LSAMP: variants seen among roughly 807,000 people sequenced by gnomAD.
LSAMP encodes the protein limbic system-associated membrane protein.
A neutral mutation model predicts 38.6 loss-of-function variants in LSAMP; 7 were observed. The observed-to-expected ratio is 0.18, with a 90% CI of 0.10 to 0.34. The LOEUF (loss-of-function observed/expected upper bound fraction) is 0.34, where lower values mean the gene tolerates loss of function less well. LSAMP is among the 10% of genes least tolerant of loss of function. The pLI is 1.00. For missense variants in LSAMP, 313 were observed against 420.0 expected (o/e 0.75, Z 2.23); for synonymous variants, 154 against 166.8 (o/e 0.92, Z 0.59).
chr3:115,892,382 T>C (rs1411234748), intron 3 of LSAMP, among the ~76,000 whole-genome samples: 1 of 151,980 alleles, frequency 6.6e-6, no homozygotes, highest in East Asian at 1.9e-4. Context: ...ACTCTAAACA[T>C]TGTGGTATAT....
chr3:115,965,483 AG>A (rs1209589131), intron 3 of LSAMP, among the ~76,000 whole-genome samples: 3 of 151,938 alleles, frequency 2.0e-5, no homozygotes, highest in African/African-American at 7.2e-5. Flanking sequence ...AGATACAAAA[AG>A]TTTAAGTCAT....
chr3:116,174,403 C>T (rs991346547), intron 1 of LSAMP, among the ~76,000 whole-genome samples: 3 of 151,980 alleles, frequency 2.0e-5, no homozygotes, highest in South Asian at 4.2e-4. Flanking sequence ...CACATTAAGA[C>T]TATTATTCTC....
chr3:115,856,019 A>G (rs915564922), intron 3 of LSAMP, among the ~76,000 whole-genome samples: 3 of 152,188 alleles, frequency 2.0e-5, no homozygotes, highest in Non-Finnish European at 4.4e-5. Context: ...TTACCAATTC[A>G]CAGAAATTTA....
chr3:116,334,285 T>A (rs978928351), intron 1 of LSAMP, among the ~76,000 whole-genome samples: 1 of 152,100 alleles, frequency 6.6e-6, no homozygotes, highest in Non-Finnish European at 1.5e-5. Context: ...CCCTGAAACT[T>A]ATGTCTTTAT....
intron 3 of LSAMP, among the ~76,000 whole-genome samples, chr3:115,882,654 A>G (rs967335950): frequency 5.3e-5 from 8 of 152,004 alleles, no homozygotes; most frequent in African/African-American, 1.7e-4. Context: ...TAATCACTAA[A>G]CTCATCTGTT....
chr3:116,116,703 G>A (rs1263569338), intron 1 of LSAMP, among the ~76,000 whole-genome samples: 3 of 151,532 alleles, frequency 2.0e-5, no homozygotes, highest in South Asian at 2.1e-4. Context: ...GCAACAGAGC[G>A]AGATTCCATC....
intron 1 of LSAMP, among the ~76,000 whole-genome samples, chr3:116,131,536 C>CAGA (rs145946653): frequency 0.021 from 3,165 of 152,232 alleles, 105 homozygotes; most frequent in African/African-American, 0.07. Context: ...AGGCCTGGAG[C>CAGA]TTCTGCATGG....
intron 1 of LSAMP, among the ~76,000 whole-genome samples, chr3:116,421,307 T>C (rs1387236622): frequency 1.3e-5 from 2 of 152,108 alleles, no homozygotes; most frequent in Non-Finnish European, 2.9e-5. Context: ...TGGTAGCTCA[T>C]GCCTGTAATC....
intron 3 of LSAMP, among the ~76,000 whole-genome samples, chr3:116,006,436 G>T (rs6795318): frequency 0.47 from 71,142 of 152,000 alleles, 18,141 homozygotes; most frequent in African/African-American, 0.69. Context: ...TATGGTATTT[G>T]ATTATAGCCC....
chr3:115,929,717 A>G (rs962321949), intron 3 of LSAMP, among the ~76,000 whole-genome samples: 4 of 152,126 alleles, frequency 2.6e-5, no homozygotes, highest in African/African-American at 9.7e-5. Flanking sequence ...AAGAAAAACA[A>G]TGTAATGAAG....
At chr3:116,193,756 A>G (rs567115608) in intron 1 of LSAMP, among the ~76,000 whole-genome samples, 7 of 152,254 alleles carry the variant, frequency 4.6e-5, no homozygotes, top group South Asian at 2.1e-4. Flanking sequence ...CCACCCTTCC[A>G]CCCATACTAT....
At chr3:116,242,601 C>A (rs1222111461) in intron 1 of LSAMP, among the ~76,000 whole-genome samples, 1 of 151,900 alleles carries the variant, frequency 6.6e-6, no homozygotes, top group Non-Finnish European at 1.5e-5. Flanking sequence ...TCTCTGCCAC[C>A]CCTTAATCAT....
intron 2 of LSAMP, among the ~76,000 whole-genome samples, chr3:116,065,335 C>T (rs1465953272): frequency 1.3e-5 from 2 of 152,192 alleles, no homozygotes; most frequent in Non-Finnish European, 2.9e-5. Flanking sequence ...TTTCATCAGA[C>T]AGTAATGCCT....
At chr3:116,159,495 T>TA (rs1030107551) in intron 1 of LSAMP, among the ~76,000 whole-genome samples, 5 of 151,968 alleles carry the variant, frequency 3.3e-5, no homozygotes, top group African/African-American at 1.2e-4. Flanking sequence ...ATAGGCATAT[T>TA]AAAAAAAGCT....
chr3:116,125,207 A>G (rs970907318), intron 1 of LSAMP, among the ~76,000 whole-genome samples: 2 of 152,182 alleles, frequency 1.3e-5, no homozygotes, highest in African/African-American at 2.4e-5. Flanking sequence ...AAATGTCAAC[A>G]TATAATGAAG....
intron 1 of LSAMP, among the ~76,000 whole-genome samples, chr3:116,341,584 T>C (rs542077836): frequency 2.0e-5 from 3 of 152,106 alleles, no homozygotes; most frequent in South Asian, 2.1e-4. Context: ...AGTAATTCAA[T>C]GGACAGGAGA....
At chr3:116,265,515 G>C (rs1189588506) in intron 1 of LSAMP, among the ~76,000 whole-genome samples, 1 of 152,194 alleles carries the variant, frequency 6.6e-6, no homozygotes, top group African/African-American at 2.4e-5. Flanking sequence ...CATGACTTCA[G>C]TTTATATGTC....
rs528068600 is a variant in LSAMP, at chr3:116,112,969, A to ATT, written c.156-26415_156-26414dup. ...TCAAGCTTTTGGAATTCCAGTACTC[A>ATT]TTTTTTTTTTTTTAGTAGATTCAGG... On this transcript the variant is annotated intron_variant, in intron 1 of 6. Coordinates refer to ENST00000490035, the MANE Select transcript of LSAMP (RefSeq NM_002338.5). Among the ~76,000 whole-genome samples the ATT allele has an allele frequency of 3.3e-3, 480 of 145,658 alleles. 3 individuals are homozygous for ATT. Among genetic ancestry groups the ATT allele is most frequent in the African/African-American group, 0.011 (451 of 40,244 alleles).
intron 2 of LSAMP, among the ~76,000 whole-genome samples, chr3:116,081,527 T>C (rs1707873036): frequency 6.6e-6 from 1 of 152,144 alleles, no homozygotes; most frequent in Non-Finnish European, 1.5e-5. Flanking sequence ...CTAGAGACAT[T>C]ATAATTTTAA....
Sources: allele counts gnomAD v4.1 joint callset (sites outside exome capture counted in the v4.1 genomes callset), GRCh38; gene constraint gnomAD v4.1.1; transcripts MANE v1.5; gene names NCBI Gene and HGNC (gene_info 2026-07-23, HGNC 2026-07-21).